Variants in CAPN9 observed in about 807,000 individuals in gnomAD.
CAPN9 encodes the protein calpain-9.
Under a neutral mutation model 92.8 loss-of-function variants are expected in CAPN9, and 81 were observed. The observed-to-expected ratio is 0.87, with a 90% CI of 0.73 to 1.05. The LOEUF is 1.05. Ranked by LOEUF, CAPN9 falls within the 50% of genes least tolerant of loss-of-function variation. CAPN9 has a pLI of 0.00. For synonymous variants in CAPN9, 304 were observed against 328.0 expected, an observed-to-expected ratio of 0.93 and a Z score of 0.79; for missense variants, 848 against 866.2, an observed-to-expected ratio of 0.98 and a Z score of 0.26.
chr1:230,773,939 G>C (rs2102878409), intron 7 of CAPN9, among the ~76,000 whole-genome samples: 1 of 152,296 alleles, frequency 6.6e-6, no homozygotes, highest in East Asian at 1.9e-4. Context: ...CCTGAGTTTG[G>C]AGAGTGACAG....
intron 17 of CAPN9, among the ~76,000 whole-genome samples, chr1:230,794,589 G>C (rs1156295266): frequency 6.6e-6 from 1 of 152,192 alleles, no homozygotes; most frequent in African/African-American, 2.4e-5. Flanking sequence ...ATATGCCACG[G>C]CTGGAGCAGT....
intron 17 of CAPN9, among the ~76,000 whole-genome samples, chr1:230,794,562 C>T (rs902809553): frequency 1.3e-5 from 2 of 152,204 alleles, no homozygotes; most frequent in Non-Finnish European, 2.9e-5. Flanking sequence ...GAAACCAAAG[C>T]CCAGAGAACT....
In CAPN9 at chr1:230,751,629, AAGAAAGAAAGAAAG is replaced by A. The variant is rs1558080024; in HGVS notation, c.214-3706_214-3693del. ...AGAAAGAGAAAGAAAGAAAGAAAGA[AAGAAAGAAAGAAAG>A]AAAGAAAGAAAGAAAGAAAGAAAGA... On this transcript the variant is annotated intron_variant, in intron 1 of 19. Transcript: ENST00000271971. Among the ~76,000 whole-genome samples the A allele has an allele frequency of 1.9e-3, 159 of 84,664 alleles. 3 individuals are homozygous for A. Among genetic ancestry groups the A allele is most frequent in the Non-Finnish European group, 3.4e-3 (145 of 43,178 alleles). The allele number at this position is 84,664 out of a possible 152,430, so 55.5% of individuals were successfully genotyped here.
chr1:230,749,027 T>C (rs888756757), intron 1 of CAPN9, among the ~76,000 whole-genome samples: 2 of 152,168 alleles, frequency 1.3e-5, no homozygotes, highest in Non-Finnish European at 1.5e-5. Context: ...TGTGTGGATA[T>C]GCATAGGCGT....
intron 18 of CAPN9, among the ~76,000 whole-genome samples, chr1:230,797,728 C>G (rs1031381411): frequency 1.3e-5 from 2 of 152,222 alleles, no homozygotes; most frequent in Non-Finnish European, 2.9e-5. Context: ...CTGGCACGCT[C>G]TCCTGTGCCA....
At chr1:230,779,261 A>G (rs978360858) in intron 9 of CAPN9, 128 bp downstream of exon 9, 53 of 803,916 alleles carry the variant, frequency 6.6e-5, no homozygotes, top group Non-Finnish European at 8.4e-5. Flanking sequence ...GTGACTGGGG[A>G]AAAAAGGCTG....
intron 15 of CAPN9, 42 bp downstream of exon 15, chr1:230,791,970 G>C: frequency 7.1e-7 from 1 of 1,417,362 alleles, no homozygotes; most frequent in South Asian, 1.1e-5. Context: ...CATGGATCCT[G>C]GGCTTTAAGC....
rs189035484 is a variant in CAPN9, at chr1:230,774,473, G to A, written c.876-81G>A. 278 of 927,262 alleles carry A rather than the reference G, an allele frequency of 3.0e-4. 2 individuals carry two copies. The highest frequency in any genetic ancestry group is 8.7e-5 in the Admixed American group (5 of 57,392). The allele number at this position is 927,262 out of a possible 1,614,324, so 57.4% of individuals were successfully genotyped here. On this transcript the variant is annotated intron_variant, in intron 7 of 19. Coordinates refer to ENST00000271971, the MANE Select transcript of CAPN9 (RefSeq NM_006615.3). ...AGCAGGTCTTATTTCCTCCATAACC[G>A]CACACTGTGGGTTCCACATCAAGGC...
rs575563248 is a variant in CAPN9 at position 230,772,504 on chromosome 1, G to A, written c.875+405G>A. On this transcript the variant is annotated intron_variant, in intron 7 of 19. Coordinates refer to ENST00000271971, the MANE Select transcript of CAPN9 (RefSeq NM_006615.3). The stretch of plus-strand genomic sequence containing the variant: ...GTGTATTTGGAGTGTCGGAATCCCT[G>A]AAATATTACCTAGCATGTAACTATA... 6.6e-5 allele frequency among the ~76,000 whole-genome samples: 10 copies of A among 152,218 alleles called. No homozygotes were observed. The East Asian group carries it at 1.9e-3, about 29-fold the overall frequency.
intron 8 of CAPN9, 50 bp downstream of exon 8, chr1:230,774,681 C>G (rs1304730642): frequency 8.1e-7 from 1 of 1,237,136 alleles, no homozygotes; most frequent in Non-Finnish European, 1.2e-6. Flanking sequence ...AGTCCCATGG[C>G]CCTGGGGCGT....
At chr1:230,798,912 T>G (rs949918308) in intron 19 of CAPN9, among the ~76,000 whole-genome samples, 2 of 152,222 alleles carry the variant, frequency 1.3e-5, no homozygotes, top group Non-Finnish European at 2.9e-5. Context: ...CTGATTCCTG[T>G]GCACATGAAG....
At chr1:230,776,358 C>T (rs1007738847) in intron 8 of CAPN9, 3 of 152,158 alleles carry the variant, frequency 2.0e-5, no homozygotes, top group African/African-American at 4.8e-5. Context: ...GGTTAGGATT[C>T]AACATATGAA....
chr1:230,757,825 G>A (rs902781874), intron 2 of CAPN9, among the ~76,000 whole-genome samples: 3 of 152,066 alleles, frequency 2.0e-5, no homozygotes, highest in African/African-American at 7.2e-5. Flanking sequence ...AGGGGATGGA[G>A]CATGGCGAGA....
chr1:230,785,543 C>A (rs1051519641), intron 11 of CAPN9, among the ~76,000 whole-genome samples: 7 of 152,076 alleles, frequency 4.6e-5, no homozygotes, highest in Non-Finnish European at 2.9e-5. Context: ...GGCAACTCCC[C>A]CATACCACCC....
At chr1:230,755,457 C>G in intron 2 of CAPN9, 51 bp downstream of exon 2, 1 of 1,447,858 alleles carries the variant, frequency 6.9e-7, no homozygotes, top group East Asian at 2.4e-5. Flanking sequence ...GTCACTGGGA[C>G]AGGCAAGCAA....
intron 11 of CAPN9, among the ~76,000 whole-genome samples, chr1:230,783,011 C>A (rs942819531): frequency 6.6e-6 from 1 of 151,976 alleles, no homozygotes; most frequent in Non-Finnish European, 1.5e-5. Flanking sequence ...AGTGAGACTC[C>A]GTCTAAAAAA....
chr1:230,752,612 G>A, intron 1 of CAPN9: 8 of 914,944 alleles, frequency 8.7e-6, no homozygotes, highest in Non-Finnish European at 1.0e-5. Flanking sequence ...GGGGCAGGGA[G>A]GATGGGAAGG....
At chr1:230,775,546 G>A (rs1666699895) in intron 8 of CAPN9, among the ~76,000 whole-genome samples, 2 of 152,122 alleles carry the variant, frequency 1.3e-5, no homozygotes, top group Admixed American at 6.6e-5. Flanking sequence ...ACAAATTTCT[G>A]GTTTCTGGCT....
intron 1 of CAPN9, among the ~76,000 whole-genome samples, chr1:230,749,604 A>C (rs1374773276): frequency 6.6e-6 from 1 of 152,180 alleles, no homozygotes; most frequent in Admixed American, 6.5e-5. Flanking sequence ...CCCTGGCCAG[A>C]AGCAGCGGCT....
Sources: gnomAD v4.1 joint callset for allele counts (sites outside exome capture counted in the v4.1 genomes callset) on GRCh38, gnomAD v4.1.1 for gene constraint, MANE v1.5 for transcripts, NCBI Gene and HGNC (gene_info 2026-07-23, HGNC 2026-07-21) for gene names.